Variants in DOCK9 observed in about 807,000 individuals in gnomAD.
The protein encoded by DOCK9 is dedicator of cytokinesis protein 9.
In DOCK9, 89 loss-of-function variants were observed where a neutral mutation model predicts 263.3. The observed-to-expected ratio is 0.34, with a 90% CI of 0.28 to 0.40. The LOEUF (loss-of-function observed/expected upper bound fraction) is 0.40. Among genes scored for constraint, DOCK9 ranks in the 10% least tolerant of loss-of-function variants. The pLI, the probability that DOCK9 is intolerant of heterozygous loss-of-function variation, is 1.00. For missense variants in DOCK9, 2,140 were observed against 2,603.4 expected, an observed-to-expected ratio of 0.82 and a Z score of 3.87; for synonymous variants, 976 against 973.1, an observed-to-expected ratio of 1.00 and a Z score of -0.06.
intron 21 of DOCK9, among the ~76,000 whole-genome samples, chr13:98,884,726 T>A (rs1177559669): frequency 6.7e-6 from 1 of 148,936 alleles, no homozygotes; most frequent in Admixed American, 6.8e-5. Flanking sequence ...TCCAAGTCTC[T>A]ATTTTTCCGC....
At chr13:98,859,743 G>GTATA (rs1594747284) in intron 33 of DOCK9, 1 of 102,154 alleles carries the variant, frequency 9.8e-6, no homozygotes, top group Non-Finnish European at 2.2e-5. Context: ...GTGTGTGTGT[G>GTATA]TGTGTGTGTG....
chr13:98,935,025 G>A (rs138886657), intron 2 of DOCK9, among the ~76,000 whole-genome samples: 388 of 152,268 alleles, frequency 2.5e-3, no homozygotes, highest in African/African-American at 8.7e-3. Context: ...GTACAGAAGA[G>A]TATAGAGAAA....
chr13:99,068,513 C>T (rs1395501302), intron 1 of DOCK9, among the ~76,000 whole-genome samples: 1 of 152,126 alleles, frequency 6.6e-6, no homozygotes, highest in Non-Finnish European at 1.5e-5. Context: ...ACCCAGGAGG[C>T]GGAGCCTGCA....
intron 34 of DOCK9, among the ~76,000 whole-genome samples, chr13:98,853,780 C>T (rs2093633874): frequency 6.6e-6 from 1 of 152,200 alleles, no homozygotes. Flanking sequence ...ACCTTTCTCA[C>T]TGGATAAACA....
chr13:99,050,517 C>A (rs1310109918), intron 1 of DOCK9, among the ~76,000 whole-genome samples: 1 of 152,082 alleles, frequency 6.6e-6, no homozygotes, highest in African/African-American at 2.4e-5. Context: ...CGTAGTGAAA[C>A]CCTGTCTCTA....
intron 15 of DOCK9, 45 bp downstream of exon 15, chr13:98,897,443 A>G (rs2047610143): frequency 1.9e-6 from 3 of 1,609,112 alleles, no homozygotes; most frequent in Non-Finnish European, 2.5e-6. Context: ...TCCCCACTAC[A>G]CAGCTTCTAT....
At chr13:98,824,675 C>T (rs1265560154) in intron 44 of DOCK9, among the ~76,000 whole-genome samples, 171 bp from the exon 45 acceptor site, 1 of 152,180 alleles carries the variant, frequency 6.6e-6, no homozygotes, top group Admixed American at 6.5e-5. Flanking sequence ...GTGTGCTTTT[C>T]TTCCCTATAG....
At position 98,972,346 on chromosome 13, in the gene DOCK9, T is replaced by A. The variant is rs1425731074; in HGVS notation, c.126+5438A>T. 3.9e-5 allele frequency among the ~76,000 whole-genome samples: 6 copies of A among 152,262 alleles called. No homozygotes were observed. The East Asian group carries it at 1.2e-3, about 29-fold the overall frequency. ...GTCACCAGCCATTCTCCCTCCATGC[T>A]GATGGCAGATCATGAGAAAATAAAT... On this transcript the variant is annotated intron_variant, in intron 1 of 52. Transcript: ENST00000682017.
At chr13:98,810,543 A>G (rs1347001186) in intron 45 of DOCK9, among the ~76,000 whole-genome samples, 1 of 152,222 alleles carries the variant, frequency 6.6e-6, no homozygotes, top group Non-Finnish European at 1.5e-5. Flanking sequence ...ATCACCCTGC[A>G]TAACTGCATA....
intron 3 of DOCK9, among the ~76,000 whole-genome samples, chr13:98,926,909 C>T (rs1485464129): frequency 6.6e-6 from 1 of 152,188 alleles, no homozygotes; most frequent in African/African-American, 2.4e-5. Context: ...TCTTTCACTT[C>T]ATCGTTTCTA....
intron 1 of DOCK9, among the ~76,000 whole-genome samples, chr13:99,050,668 C>T (rs528675341): frequency 7.3e-4 from 111 of 152,114 alleles, no homozygotes; most frequent in Non-Finnish European, 1.2e-3. Flanking sequence ...CCAGCCCAGG[C>T]GACATGCGAG....
intron 1 of DOCK9, among the ~76,000 whole-genome samples, chr13:99,060,011 T>C (rs1395968565): frequency 6.6e-6 from 1 of 151,748 alleles, no homozygotes; most frequent in Non-Finnish European, 1.5e-5. Flanking sequence ...TGAATAATAT[T>C]CTATTGGGTG....
intron 1 of DOCK9, among the ~76,000 whole-genome samples, chr13:99,003,403 G>C (rs1041093): frequency 0.21 from 31,996 of 152,022 alleles, 3,931 homozygotes; most frequent in East Asian, 0.43. Context: ...TTCTGAATAC[G>C]CTCACCAGGA....
intron 13 of DOCK9, among the ~76,000 whole-genome samples, chr13:98,898,855 T>G (rs577168492): frequency 6.6e-6 from 1 of 152,190 alleles, no homozygotes; most frequent in Non-Finnish European, 1.5e-5. Context: ...TGTTGATTGA[T>G]TGATTAATTC....
Position 98,875,182 on chromosome 13 carries a change from G to C in DOCK9, c.2943+4716C>G, listed in dbSNP as rs190154142. Reference sequence around the variant, plus strand: ...TCTCCAGTGACTAGGTGAGCTTCAAGGTTAAGGGTTCACTCTCAACTCCAT... The same window carrying C: ...TCTCCAGTGACTAGGTGAGCTTCAACGTTAAGGGTTCACTCTCAACTCCAT... On this transcript the variant is annotated intron_variant, in intron 27 of 52. Coordinates refer to ENST00000682017, the MANE Select transcript of DOCK9 (RefSeq NM_001366683.2). Among the ~76,000 whole-genome samples the C allele has an allele frequency of 7.9e-5, 12 of 152,298 alleles. No homozygotes were observed. The East Asian group carries it at 2.3e-3, about 29-fold the overall frequency.
intron 9 of DOCK9, among the ~76,000 whole-genome samples, chr13:98,910,329 C>T (rs1362493681): frequency 6.6e-6 from 1 of 152,102 alleles, no homozygotes; most frequent in African/African-American, 2.4e-5. Flanking sequence ...CACACTGTTA[C>T]ATTTACAATA....
chr13:98,913,936 T>C (rs2050460130), intron 9 of DOCK9, among the ~76,000 whole-genome samples: 1 of 152,178 alleles, frequency 6.6e-6, no homozygotes, highest in Admixed American at 6.5e-5. Context: ...GTGGCAAGAT[T>C]ACCAGGTCCT....
chr13:98,903,984 A>C (rs1197226671), intron 10 of DOCK9, among the ~76,000 whole-genome samples: 3 of 152,218 alleles, frequency 2.0e-5, no homozygotes, highest in African/African-American at 7.2e-5. Flanking sequence ...AAGGAAAGGA[A>C]GGTTATCATT....
chr13:98,852,296 C>T (rs956909436), intron 35 of DOCK9, among the ~76,000 whole-genome samples: 3 of 152,144 alleles, frequency 2.0e-5, no homozygotes, highest in African/African-American at 4.8e-5. Flanking sequence ...GAAACTCTTG[C>T]TCGTCTGTTC....
Sources: allele counts gnomAD v4.1 joint callset (sites outside exome capture counted in the v4.1 genomes callset), GRCh38; gene constraint gnomAD v4.1.1; transcripts MANE v1.5; gene names NCBI Gene and HGNC (gene_info 2026-07-23, HGNC 2026-07-21).